Variants in BUB1 observed in about 807,000 individuals in gnomAD.
BUB1 encodes BUB1 mitotic checkpoint serine/threonine kinase, also known as mitotic checkpoint serine/threonine-protein kinase BUB1.
In BUB1, 84 loss-of-function variants were observed where a neutral mutation model predicts 135.2. That is an observed-to-expected ratio of 0.62 (90% CI 0.52 to 0.74). The LOEUF is 0.74. BUB1 is among the 30% of genes least tolerant of loss of function. The probability of loss-of-function intolerance (pLI) is 0.00; values close to 1 mark genes in which losing one functional copy is unlikely to be tolerated. For missense variants in BUB1, 1,162 were observed against 1,288.3 expected, an observed-to-expected ratio of 0.90 and a Z score of 1.50; for synonymous variants, 403 against 434.4, an observed-to-expected ratio of 0.93 and a Z score of 0.90.
chr2:110,670,450 T>C, intron 5 of BUB1, 75 bp downstream of exon 5: 1 of 1,568,790 alleles, frequency 6.4e-7, no homozygotes, highest in Non-Finnish European at 8.8e-7. Context: ...GTTTGTTTTT[T>C]AAAGAAAAGA....
At chr2:110,677,099 T>C (rs1214690871) in intron 1 of BUB1, among the ~76,000 whole-genome samples, 1 of 152,178 alleles carries the variant, frequency 6.6e-6, no homozygotes, top group African/African-American at 2.4e-5. Context: ...TGCACTGTAA[T>C]AGTAAAACAT....
In BUB1 at chr2:110,678,040, C is replaced by G. The variant is rs752786995; in HGVS notation, c.-45G>C. The G allele has an allele frequency of 4.4e-6, 7 of 1,575,232 alleles. No individual in the cohort carries two copies. The highest frequency in any genetic ancestry group is 3.8e-4 in the Middle Eastern group (2 of 5,246). ...GCAGCGGCCAAACCTGAACCGCAAACTAGAAGCCGCCGCCGATTCGAATAC... is the reference window on the plus strand; with the variant it reads ...GCAGCGGCCAAACCTGAACCGCAAAGTAGAAGCCGCCGCCGATTCGAATAC... On this transcript the variant is annotated 5_prime_UTR_variant, in exon 1 of 25. Transcript: ENST00000302759.
intron 3 of BUB1, 62 bp from the exon 4 acceptor site, chr2:110,672,919 G>A: frequency 1.9e-5 from 28 of 1,452,988 alleles, no homozygotes; most frequent in Non-Finnish European, 2.6e-5. Flanking sequence ...TGTCTGGTGA[G>A]GAGTTAGCCA....
Position 110,649,229 on chromosome 2 carries a change from C to A in BUB1, c.2347+5G>T. ...TTAAAGTTATATTATCCAAATAATT[C>A]TTACCCAATTGAAATTCAGTCTTGG... On this transcript the variant is annotated splice_donor_5th_base_variant and intron_variant, in intron 19 of 24. Transcript: ENST00000302759. 6.2e-7 allele frequency: 1 copy of A among 1,602,494 alleles called. No individual in the cohort carries two copies. Among genetic ancestry groups the A allele is most frequent in the Non-Finnish European group, 8.5e-7 (1 of 1,176,576 alleles).
At chr2:110,671,312 G>A (rs1192727522) in intron 4 of BUB1, among the ~76,000 whole-genome samples, 1 of 152,160 alleles carries the variant, frequency 6.6e-6, no homozygotes, top group African/African-American at 2.4e-5. Flanking sequence ...AATAGGGTTT[G>A]GGGAAAAATA....
Position 110,674,313 on chromosome 2 carries a change from A to T in BUB1, c.79T>A (p.Trp27Arg). 1 of 1,614,066 alleles carries T rather than the reference A, an allele frequency of 6.2e-7. No individual in the cohort carries two copies. The highest frequency in any genetic ancestry group is 8.5e-7 in the Non-Finnish European group (1 of 1,179,996). Reference protein sequence around the residue: ...SYKGNDPLGEWERYIQWVEEN... With the variant: ...SYKGNDPLGERERYIQWVEEN... ...AAATAACTAAATGCTGACCTTTCCC[A>T]TTCACCAAGAGGGTCATTGCCCTTG... Residue 27 changes from tryptophan (W) to arginine (R), a missense_variant, in exon 2 of 25, where the codon TGG (tryptophan) becomes AGG (arginine). Physicochemically the swap from Trp to Arg is moderately radical, Grantham distance 101 (BLOSUM62 -3). Coordinates refer to ENST00000302759, the MANE Select transcript of BUB1 (RefSeq NM_004336.5).
intron 1 of BUB1, 22 bp from the exon 2 acceptor site, chr2:110,674,387 A>C: frequency 6.2e-7 from 1 of 1,610,426 alleles, no homozygotes. Context: ...AAAGGTATGC[A>C]CATGGGATAT....
intron 19 of BUB1, among the ~76,000 whole-genome samples, chr2:110,643,786 T>C (rs1371059718): frequency 6.6e-6 from 1 of 152,106 alleles, no homozygotes; most frequent in African/African-American, 2.4e-5. Flanking sequence ...ATTATAGGAA[T>C]GAGCTACCAT....
intron 3 of BUB1, 109 bp from the exon 4 acceptor site, chr2:110,672,966 G>T: frequency 8.8e-7 from 1 of 1,134,274 alleles, no homozygotes. Flanking sequence ...TCGGATGGGA[G>T]CTGGTCATCA....
rs1689454707 is a variant in BUB1 at position 110,639,817 on chromosome 2, T to C, written c.2987A>G (p.Tyr996Cys). Residue 996 changes from tyrosine to cysteine, a missense_variant, in exon 24 of 25, where the codon TAT becomes TGT. Coordinates refer to ENST00000302759, the MANE Select transcript of BUB1 (RefSeq NM_004336.5). ...IDYFGVAATVYCMLFGTYMKV... is the reference protein window; with the variant it reads ...IDYFGVAATVCCMLFGTYMKV... ...CATGTAAGTGCCAAAGAGCATGCAA[T>C]ATACTGTTGCAGCAACCCCAAAGTA... The C allele has an allele frequency of 1.9e-6, 3 of 1,614,060 alleles. No homozygotes were observed. Among genetic ancestry groups the C allele is most frequent in the Non-Finnish European group, 2.5e-6 (3 of 1,179,942 alleles).
intron 1 of BUB1, among the ~76,000 whole-genome samples, chr2:110,676,888 T>C (rs149037536): frequency 7.7e-4 from 117 of 152,218 alleles, no homozygotes; most frequent in African/African-American, 2.8e-3. Flanking sequence ...CTAAATCTTC[T>C]TTTAGTCATA....
At chr2:110,646,022 A>G (rs1256966975) in intron 19 of BUB1, among the ~76,000 whole-genome samples, 1 of 151,984 alleles carries the variant, frequency 6.6e-6, no homozygotes, top group Non-Finnish European at 1.5e-5. Context: ...GGAGACTTCA[A>G]CACCCTTCCA....
At chr2:110,666,885 A>C (rs886957301) in intron 8 of BUB1, among the ~76,000 whole-genome samples, 2 of 152,248 alleles carry the variant, frequency 1.3e-5, no homozygotes, top group Admixed American at 1.3e-4. Context: ...TAACAGAGTC[A>C]TGCCACAGGC....
chr2:110,644,936 C>G (rs555007562), intron 19 of BUB1, among the ~76,000 whole-genome samples: 49 of 152,088 alleles, frequency 3.2e-4, no homozygotes, highest in South Asian at 1.0e-3. Context: ...AATTAATACA[C>G]TGAGAGGAGA....
chr2:110,640,006 T>C (rs1689462027), intron 23 of BUB1, 158 bp from the exon 24 acceptor site: 2 of 708,392 alleles, frequency 2.8e-6, no homozygotes, highest in Non-Finnish European at 2.6e-6. Context: ...TAACATGTCT[T>C]ACTGAATATC....
chr2:110,672,822 C>A lies in BUB1; in HGVS notation c.261G>T (p.Glu87Asp), dbSNP rs1299297988. ...EYNSDLHQFFEFLYNHGIGTL... is the reference protein window; with the variant it reads ...EYNSDLHQFFDFLYNHGIGTL... ...TTCCAATCCCATGGTTGTACAGAAA[C>A]TCAAAAAATTGATGGAGGTCACTGT... The change falls in exon 4 of 25, where the codon GAG becomes GAT. Residue 87 changes from glutamate (E) to aspartate (D), a missense_variant. Physicochemically the swap from Glu to Asp is conservative, Grantham distance 45 (BLOSUM62 2). Transcript: ENST00000302759. 6.2e-7 allele frequency: 1 copy of A among 1,607,008 alleles called. No homozygotes were observed. Among genetic ancestry groups the A allele is most frequent in the South Asian group, 1.1e-5 (1 of 89,664 alleles).
At chr2:110,647,664 C>CTTA (rs1689678094) in intron 19 of BUB1, among the ~76,000 whole-genome samples, 1 of 151,996 alleles carries the variant, frequency 6.6e-6, no homozygotes, top group Admixed American at 6.6e-5. Context: ...AGGTAATAAA[C>CTTA]TATGTAGATG....
chr2:110,638,005 G>C lies in BUB1; in HGVS notation c.3217C>G (p.Leu1073Val). ...TTACATTCTAAGAGCAGTACAATTAGCCTATTACGTAGGGCCCTAATCTTG... is the reference window on the plus strand; with the variant it reads ...TTACATTCTAAGAGCAGTACAATTACCCTATTACGTAGGGCCCTAATCTTG... Reference protein sequence around the residue: ...TNKIRALRNRLIVLLLECKRS... With the variant: ...TNKIRALRNRVIVLLLECKRS... The change falls in exon 25 of 25, where the codon CTA becomes GTA. Residue 1073 changes from leucine (L) to valine (V), a missense_variant. Coordinates refer to ENST00000302759, the MANE Select transcript of BUB1 (RefSeq NM_004336.5). 6.3e-7 allele frequency: 1 copy of C among 1,583,890 alleles called. No individual in the cohort carries two copies.
intron 4 of BUB1, among the ~76,000 whole-genome samples, chr2:110,671,432 T>C (rs1308793163): frequency 6.6e-6 from 1 of 152,212 alleles, no homozygotes; most frequent in East Asian, 1.9e-4. Flanking sequence ...TAATTTTTTC[T>C]TTTTTATGTG....
Sources: allele counts gnomAD v4.1 joint callset (sites outside exome capture counted in the v4.1 genomes callset), GRCh38; gene constraint gnomAD v4.1.1; transcripts MANE v1.5; gene names NCBI Gene and HGNC (gene_info 2026-07-23, HGNC 2026-07-21).